The following GLO1 variants were observed in gnomAD, a reference collection of about 807,000 sequenced individuals.
The protein encoded by GLO1 is glyoxalase I, also known as lactoylglutathione lyase.
Under a neutral mutation model 26.0 loss-of-function variants are expected in GLO1, and 28 were observed. That is an observed-to-expected ratio of 1.08 (90% CI 0.80 to 1.48). GLO1 has a LOEUF of 1.48. GLO1 is among the 40% of genes most tolerant of loss of function. The probability of loss-of-function intolerance (pLI) is 0.00; values close to 1 mark genes in which losing one functional copy is unlikely to be tolerated. For synonymous variants in GLO1, 78 were observed against 77.6 expected, an observed-to-expected ratio of 1.00 and a Z score of -0.03; for missense variants, 225 against 224.8, an observed-to-expected ratio of 1.00 and a Z score of -0.01.
Position 38,677,235 on chromosome 6 carries a change from A to G in GLO1, c.*60T>C. The G allele has an allele frequency of 1.2e-6, 1 of 834,936 alleles. No individual in the cohort carries two copies. The highest frequency in any genetic ancestry group is 2.1e-6 in the Non-Finnish European group (1 of 471,596). The allele number at this position is 834,936 out of a possible 1,614,324, so 51.7% of individuals were successfully genotyped here. On this transcript the variant is annotated 3_prime_UTR_variant, in exon 6 of 6. Transcript: ENST00000373365. ...CAGTCCTAGATGCTTCTGGTATGTA[A>G]ATATCTTGAATCACATTGTTTCCTT...
intron 1 of GLO1, among the ~76,000 whole-genome samples, chr6:38,700,722 C>A (rs988943117): frequency 6.6e-6 from 1 of 151,718 alleles, no homozygotes; most frequent in African/African-American, 2.4e-5. Context: ...AAGTACTTAC[C>A]ATCTTCTTTA....
intron 3 of GLO1, 24 bp from the exon 4 acceptor site, chr6:38,682,899 C>G: frequency 7.7e-7 from 1 of 1,302,356 alleles, no homozygotes; most frequent in African/African-American, 1.4e-5. Flanking sequence ...GAAAACATAG[C>G]TACAATGTCC....
intron 5 of GLO1, among the ~76,000 whole-genome samples, chr6:38,677,749 A>G (rs1307020115): frequency 6.6e-6 from 1 of 152,228 alleles, no homozygotes; most frequent in Non-Finnish European, 1.5e-5. Flanking sequence ...TTTACTTTGC[A>G]TTTTAATGAA....
At chr6:38,698,483 T>G (rs1443717610) in intron 1 of GLO1, among the ~76,000 whole-genome samples, 1 of 147,702 alleles carries the variant, frequency 6.8e-6, no homozygotes, top group Non-Finnish European at 1.5e-5. Context: ...TATTAATTTT[T>G]TATATTTTTA....
In GLO1 at chr6:38,677,205, TCCA is replaced by T; in HGVS notation, c.*87_*89del. 1.3e-6 allele frequency: 1 copy of T among 754,936 alleles called. No individual in the cohort carries two copies. Among genetic ancestry groups the T allele is most frequent in the Non-Finnish European group, 2.4e-6 (1 of 417,096 alleles). The allele number at this position is 754,936 out of a possible 1,614,324, so 46.8% of individuals were successfully genotyped here. A position where few individuals can be genotyped will look rare whatever the true frequency, so the allele number is the denominator to read the frequency against. On this transcript the variant is annotated 3_prime_UTR_variant, in exon 6 of 6. Coordinates refer to ENST00000373365, the MANE Select transcript of GLO1 (RefSeq NM_006708.3). ...AGAATAATTTGAATCGGGACAGTGATCCATCAGTCCTAGATGCTTCTGGTATGT... is the reference window on the plus strand; with the variant it reads ...AGAATAATTTGAATCGGGACAGTGATTCAGTCCTAGATGCTTCTGGTATGT...
chr6:38,686,803 A>G, intron 2 of GLO1, 89 bp downstream of exon 2: 1 of 746,530 alleles, frequency 1.3e-6, no homozygotes, highest in South Asian at 1.8e-5. Flanking sequence ...TTACTTCTGA[A>G]ACAAACTTTA....
chr6:38,703,002 C>CTGAGGGCGGCCTCGTCCG lies in GLO1; in HGVS notation c.35_52dup (p.Thr12_Leu17dup). On this transcript the variant is annotated inframe_insertion, in exon 1 of 6. Coordinates refer to ENST00000373365, the MANE Select transcript of GLO1 (RefSeq NM_006708.3). ...ACTGGGGTCCGCGTCGGAGCAGCAA[C>CTGAGGGCGGCCTCGTCCG]TGAGGGCGGCCTCGTCCGTGAGGCC... 6.3e-7 allele frequency: 1 copy of CTGAGGGCGGCCTCGTCCG among 1,593,862 alleles called. No individual in the cohort carries two copies. The highest frequency in any genetic ancestry group is 1.7e-5 in the Admixed American group (1 of 59,184).
chr6:38,678,394 G>GGAAA (rs1418604722), intron 5 of GLO1, among the ~76,000 whole-genome samples: 11 of 123,020 alleles, frequency 8.9e-5, no homozygotes, highest in East Asian at 2.1e-4. Flanking sequence ...AAGGAAGGAA[G>GGAAA]GAAGGAAAAG....
chr6:38,686,793 T>C (rs1178958990), intron 2 of GLO1, 99 bp downstream of exon 2: 4 of 682,966 alleles, frequency 5.9e-6, no homozygotes, highest in Non-Finnish European at 1.0e-5. Flanking sequence ...AGAACTTCTG[T>C]TACTTCTGAA....
rs551020297 is a variant in GLO1 at position 38,675,974 on chromosome 6, A to G, written c.*1321T>C. The G allele has an allele frequency of 6.6e-6, 1 of 151,930 alleles. No individual in the cohort carries two copies. The highest frequency in any genetic ancestry group is 1.9e-4 in the East Asian group (1 of 5,172). The allele number at this position is 151,930 out of a possible 1,614,324, so 9.4% of individuals were successfully genotyped here. ...TTGAAGTTTCATTTTATTTCAGTCTATAAGTATTGCTATTTGTTTAAAGCA... is the reference window on the plus strand; with the variant it reads ...TTGAAGTTTCATTTTATTTCAGTCTGTAAGTATTGCTATTTGTTTAAAGCA... On this transcript the variant is annotated 3_prime_UTR_variant, in exon 6 of 6. Coordinates refer to ENST00000373365, the MANE Select transcript of GLO1 (RefSeq NM_006708.3).
chr6:38,688,398 T>A (rs944565901), intron 1 of GLO1, among the ~76,000 whole-genome samples: 1 of 149,876 alleles, frequency 6.7e-6, no homozygotes, highest in African/African-American at 2.5e-5. Context: ...ACTCTGTGGC[T>A]GCCATGATGT....
At chr6:38,686,099 C>G (rs1761457001) in intron 2 of GLO1, among the ~76,000 whole-genome samples, 1 of 152,068 alleles carries the variant, frequency 6.6e-6, no homozygotes. Flanking sequence ...ATACCTTTTT[C>G]TAGAAAAAAA....
At chr6:38,697,489 T>C (rs1761629788) in intron 1 of GLO1, among the ~76,000 whole-genome samples, 1 of 152,184 alleles carries the variant, frequency 6.6e-6, no homozygotes, top group African/African-American at 2.4e-5. Context: ...AGCAACTCCA[T>C]AGGCAGAACT....
chr6:38,681,634 T>G (rs988139279), intron 5 of GLO1, among the ~76,000 whole-genome samples: 1 of 152,174 alleles, frequency 6.6e-6, no homozygotes, highest in African/African-American at 2.4e-5. Context: ...TAAAGAGAGC[T>G]GGTGTCATTA....
At chr6:38,692,280 A>G (rs1417462883) in intron 1 of GLO1, among the ~76,000 whole-genome samples, 8 of 152,120 alleles carry the variant, frequency 5.3e-5, no homozygotes, top group African/African-American at 1.9e-4. Flanking sequence ...ATATCTAAGT[A>G]TTTCATTTTA....
chr6:38,693,570 C>A (rs1761560119), intron 1 of GLO1, among the ~76,000 whole-genome samples: 1 of 151,662 alleles, frequency 6.6e-6, no homozygotes, highest in African/African-American at 2.4e-5. Flanking sequence ...TAATTTGAGA[C>A]TTTTCCTCTT....
intron 1 of GLO1, among the ~76,000 whole-genome samples, chr6:38,688,153 C>T (rs1705316683): frequency 6.6e-6 from 1 of 152,110 alleles, no homozygotes; most frequent in African/African-American, 2.4e-5. Flanking sequence ...CTTATTAAAA[C>T]TGATCTTAAT....
At chr6:38,694,603 C>T (rs766705683) in intron 1 of GLO1, among the ~76,000 whole-genome samples, 16 of 151,882 alleles carry the variant, frequency 1.1e-4, no homozygotes, top group Non-Finnish European at 1.9e-4. Context: ...CCCTTGAACC[C>T]GGGAAGCAGA....
chr6:38,686,980 G>GA lies in GLO1; in HGVS notation c.85-7dup. 3 of 1,588,120 alleles carry GA rather than the reference G, an allele frequency of 1.9e-6. No individual in the cohort carries two copies. Among genetic ancestry groups the GA allele is most frequent in the Non-Finnish European group, 2.6e-6 (3 of 1,161,460 alleles). On this transcript the variant is annotated splice_polypyrimidine_tract_variant and splice_region_variant and intron_variant, in intron 1 of 5. Coordinates refer to ENST00000373365, the MANE Select transcript of GLO1 (RefSeq NM_006708.3). ...GTCTGCTGCAATAGAAAATCCTATG[G>GA]AAAAATATTTATATTAAACATCTTT...
Sources: gnomAD v4.1 joint callset for allele counts (sites outside exome capture counted in the v4.1 genomes callset) on GRCh38, gnomAD v4.1.1 for gene constraint, MANE v1.5 for transcripts, NCBI Gene and HGNC (gene_info 2026-07-23, HGNC 2026-07-21) for gene names.